The following TANGO6 variants were observed in gnomAD, a reference collection of about 807,000 sequenced individuals.
TANGO6 encodes transport and Golgi organization protein 6 homolog.
Under a neutral mutation model 114.2 loss-of-function variants are expected in TANGO6, and 90 were observed. The ratio of observed to expected loss-of-function variants is 0.79; its 90% CI spans 0.66 to 0.94. The LOEUF (loss-of-function observed/expected upper bound fraction) is 0.94, where lower values mean the gene tolerates loss of function less well. Among genes scored for constraint, TANGO6 ranks in the 40% least tolerant of loss-of-function variants. The probability of loss-of-function intolerance (pLI) is 0.00; values close to 1 mark genes in which losing one functional copy is unlikely to be tolerated. For missense variants in TANGO6, 1,274 were observed against 1,315.3 expected (o/e 0.97, Z 0.49); for synonymous variants, 477 against 509.8 (o/e 0.94, Z 0.87).
chr16:69,018,176 C>G (rs1597059646), intron 15 of TANGO6, among the ~76,000 whole-genome samples: 1 of 117,450 alleles, frequency 8.5e-6, no homozygotes, highest in Non-Finnish European at 1.6e-5. Flanking sequence ...CAGAGTCTCT[C>G]TCTGTCGCCC....
rs189878429 is a variant in TANGO6 at position 68,994,890 on chromosome 16, T to C, written c.2842+20722T>C. Among the ~76,000 whole-genome samples the C allele has an allele frequency of 5.8e-3, 890 of 152,290 alleles. 8 individuals are homozygous for C. Among genetic ancestry groups the C allele is most frequent in the Non-Finnish European group, 0.01 (697 of 68,038 alleles). On this transcript the variant is annotated intron_variant, in intron 15 of 17. Transcript: ENST00000261778. The stretch of plus-strand genomic sequence containing the variant: ...ATAAGCCACGGCACCCAGCTTATTT[T>C]GTATTTTCAATAAGGAGACTATTTA...
At chr16:69,012,445 A>G (rs1964150446) in intron 15 of TANGO6, among the ~76,000 whole-genome samples, 1 of 151,610 alleles carries the variant, frequency 6.6e-6, no homozygotes, top group African/African-American at 2.4e-5. Flanking sequence ...AATCCCAGCT[A>G]CTCAAGAGGC....
At chr16:69,061,739 C>T (rs1040145796) in intron 17 of TANGO6, among the ~76,000 whole-genome samples, 9 of 151,274 alleles carry the variant, frequency 5.9e-5, no homozygotes, top group East Asian at 4.0e-4. Flanking sequence ...CATTTCCGGC[C>T]GGGCGCGCGG....
At chr16:68,852,996 A>G (rs1310773979) in intron 1 of TANGO6, among the ~76,000 whole-genome samples, 1 of 152,122 alleles carries the variant, frequency 6.6e-6, no homozygotes, top group African/African-American at 2.4e-5. Flanking sequence ...GATGCGTTCA[A>G]AGTAAGTTGC....
intron 1 of TANGO6, among the ~76,000 whole-genome samples, chr16:68,845,370 ACT>A (rs1434803138): frequency 2.0e-5 from 3 of 151,890 alleles, no homozygotes; most frequent in Admixed American, 1.3e-4. Context: ...TTTATAGAAG[ACT>A]CTCTAATCTC....
chr16:69,078,022 G>T (rs759265938), intron 17 of TANGO6, among the ~76,000 whole-genome samples: 1 of 152,050 alleles, frequency 6.6e-6, no homozygotes, highest in African/African-American at 2.4e-5. Context: ...ACAGAACTCC[G>T]GGAAGGGCAG....
At chr16:69,054,528 G>T (rs917376380) in intron 17 of TANGO6, among the ~76,000 whole-genome samples, 2 of 152,108 alleles carry the variant, frequency 1.3e-5, no homozygotes, top group African/African-American at 4.8e-5. Flanking sequence ...TTTTGAGGGT[G>T]AAAGAGGATA....
At chr16:68,956,857 G>T (rs1465358821) in intron 14 of TANGO6, among the ~76,000 whole-genome samples, 1 of 150,842 alleles carries the variant, frequency 6.6e-6, no homozygotes, top group Non-Finnish European at 1.5e-5. Context: ...TGTCTCAAAA[G>T]AAAAAAAAGG....
chr16:68,853,459 A>G (rs759448895), intron 1 of TANGO6, among the ~76,000 whole-genome samples: 1 of 152,120 alleles, frequency 6.6e-6, no homozygotes. Context: ...CTGCTCCCCT[A>G]GAGATAACTG....
At chr16:68,859,817 A>C in intron 1 of TANGO6, 67 bp from the exon 2 acceptor site, 1 of 1,472,788 alleles carries the variant, frequency 6.8e-7, no homozygotes, top group Non-Finnish European at 9.0e-7. Context: ...TAGGCAGGGC[A>C]TTCCACAGGG....
At chr16:68,993,058 ACT>A (rs559959876) in intron 15 of TANGO6, among the ~76,000 whole-genome samples, 1 of 151,518 alleles carries the variant, frequency 6.6e-6, no homozygotes, top group Non-Finnish European at 1.5e-5. Flanking sequence ...ACAGAGGGAG[ACT>A]CTGTCTCAAA....
At chr16:68,845,939 A>G (rs548627334) in intron 1 of TANGO6, among the ~76,000 whole-genome samples, 30 of 150,580 alleles carry the variant, frequency 2.0e-4, no homozygotes, top group Admixed American at 1.8e-3. Flanking sequence ...CGGAACCCCC[A>G]CCTCCCGGGT....
intron 15 of TANGO6, among the ~76,000 whole-genome samples, chr16:69,001,162 C>A (rs1484191692): frequency 6.6e-6 from 1 of 152,082 alleles, no homozygotes; most frequent in Non-Finnish European, 1.5e-5. Flanking sequence ...GGATACAGGA[C>A]AGAATGGCCT....
intron 16 of TANGO6, among the ~76,000 whole-genome samples, chr16:69,037,351 A>G (rs186611731): frequency 6.6e-6 from 1 of 152,298 alleles, no homozygotes; most frequent in East Asian, 1.9e-4. Flanking sequence ...GTTCTAGGCC[A>G]GGGAGCCTTG....
At chr16:69,034,500 C>A in intron 16 of TANGO6, 1 of 153,760 alleles carries the variant, frequency 6.5e-6, no homozygotes, top group South Asian at 2.0e-4. Flanking sequence ...TGCAGAGGAC[C>A]CAGGCTCCAG....
rs187714347 is a variant in TANGO6, at chr16:68,927,373, A to G, written c.2128-195A>G. On this transcript the variant is annotated intron_variant, in intron 12 of 17. Transcript: ENST00000261778. ...TATCTTAGAAAAGAACCTGTATATG[A>G]TAAGTGTTCAATAAATGTTAGGTAT... 9.9e-5 allele frequency among the ~76,000 whole-genome samples: 15 copies of G among 152,284 alleles called. No homozygotes were observed. In the East Asian group the frequency reaches 2.9e-3, roughly 29 times the overall value.
intron 7 of TANGO6, among the ~76,000 whole-genome samples, chr16:68,886,903 G>C (rs980054961): frequency 5.9e-5 from 9 of 151,936 alleles, no homozygotes; most frequent in African/African-American, 2.2e-4. Flanking sequence ...TGCCTCCAAG[G>C]TTCAAGCGAT....
At chr16:69,059,078 C>CTTT (rs34994371) in intron 17 of TANGO6, among the ~76,000 whole-genome samples, 3 of 130,872 alleles carry the variant, frequency 2.3e-5, no homozygotes, top group Admixed American at 7.6e-5. Flanking sequence ...CAGCTAATTT[C>CTTT]TTTTTTTTTT....
At chr16:68,910,413 C>A (rs2152186598) in intron 11 of TANGO6, among the ~76,000 whole-genome samples, 1 of 152,266 alleles carries the variant, frequency 6.6e-6, no homozygotes, top group Non-Finnish European at 1.5e-5. Flanking sequence ...CTGGACACTT[C>A]TTCATCCAGA....
Sources: allele counts gnomAD v4.1 joint callset (sites outside exome capture counted in the v4.1 genomes callset), GRCh38; gene constraint gnomAD v4.1.1; transcripts MANE v1.5; gene names NCBI Gene and HGNC (gene_info 2026-07-23, HGNC 2026-07-21).